The following THUMPD2 variants were observed in gnomAD, a reference collection of about 807,000 sequenced individuals.
The protein encoded by THUMPD2 is U6 snRNA (guanine-N(2))-methyltransferase THUMPD2.
In THUMPD2, 56 loss-of-function variants were observed where a neutral mutation model predicts 49.4. That is an observed-to-expected ratio of 1.13 (90% CI 0.91 to 1.41). The LOEUF (loss-of-function observed/expected upper bound fraction) is 1.41. Among genes scored for constraint, THUMPD2 ranks in the 40% most tolerant of loss-of-function variants. The pLI is 0.00. For synonymous variants in THUMPD2, 237 were observed against 205.2 expected (o/e 1.15, Z -1.32); for missense variants, 709 against 594.5 (o/e 1.19, Z -2.00).
rs1459785601 is a variant in THUMPD2 at position 39,755,297 on chromosome 2, A to G, written c.1076T>C (p.Ile359Thr). The G allele has an allele frequency of 1.4e-5, 22 of 1,534,132 alleles. No homozygotes were observed. The highest frequency in any genetic ancestry group is 1.7e-5 in the Non-Finnish European group (20 of 1,147,522). ...GTTTTGCATTTTTAGTATCTTACCT[A>G]TAACAGAGATTTTAAGTAATTCAAT... Reference protein sequence around the residue: ...DKIELLKISVIELPLPSESVD... With the variant: ...DKIELLKISVTELPLPSESVD... Residue 359 changes from isoleucine (I) to threonine (T), a missense_variant and splice_region_variant, in exon 8 of 10, where the codon ATA becomes ACA. Physicochemically the swap from Ile to Thr is moderately conservative, Grantham distance 89 (BLOSUM62 -1). Coordinates refer to ENST00000505747, the MANE Select transcript of THUMPD2 (RefSeq NM_025264.5).
chr2:39,757,433 GA>G, intron 6 of THUMPD2: 1 of 1,300,294 alleles, frequency 7.7e-7, no homozygotes, highest in Non-Finnish European at 1.0e-6. Flanking sequence ...AAATTTTAAA[GA>G]GAATATCACA....
chr2:39,764,149 C>A (rs1677200871), intron 5 of THUMPD2, among the ~76,000 whole-genome samples: 1 of 152,164 alleles, frequency 6.6e-6, no homozygotes, highest in Non-Finnish European at 1.5e-5. Flanking sequence ...GAGTTAGTTT[C>A]TCTTTCCTAA....
intron 1 of THUMPD2, among the ~76,000 whole-genome samples, chr2:39,773,995 G>A (rs1678734517): frequency 6.6e-6 from 1 of 152,222 alleles, no homozygotes; most frequent in African/African-American, 2.4e-5. Context: ...TACTGTCTGG[G>A]TGAACCATGT....
Position 39,761,429 on chromosome 2 carries a change from T to C in THUMPD2, c.804-11A>G, listed in dbSNP as rs1328954791. The C allele has an allele frequency of 3.7e-6, 6 of 1,610,894 alleles. No homozygotes were observed. The highest frequency in any genetic ancestry group is 5.1e-6 in the Non-Finnish European group (6 of 1,177,322). On this transcript the variant is annotated splice_polypyrimidine_tract_variant and intron_variant, in intron 5 of 9. Coordinates refer to ENST00000505747, the MANE Select transcript of THUMPD2 (RefSeq NM_025264.5). ...CTGGCTAGGGAAACCCTACAAAGGA[T>C]AGAATCTGATTATATATTATTACAC... is the stretch of plus-strand genomic sequence containing the variant.
chr2:39,774,805 T>C (rs1678854446), intron 1 of THUMPD2, among the ~76,000 whole-genome samples: 1 of 152,172 alleles, frequency 6.6e-6, no homozygotes, highest in Admixed American at 6.5e-5. Context: ...ACAATCTGTT[T>C]TTTTCTATCT....
chr2:39,771,557 T>C lies in THUMPD2; in HGVS notation c.210A>G (p.Leu70=). ...GAAACTGCTTTTTAATCAGCAAAAATAATCTTTCTGCAGATTTTAATTTCT... is the reference window on the plus strand; with the variant it reads ...GAAACTGCTTTTTAATCAGCAAAAACAATCTTTCTGCAGATTTTAATTTCT... ...MLKKLKSAER[L]FLLIKKQFPL... is the part of the protein sequence containing the mutation. The change falls in exon 2 of 10, where the codon TTA becomes TTG. Residue 70 remains leucine (L), a synonymous_variant. Coordinates refer to ENST00000505747, the MANE Select transcript of THUMPD2 (RefSeq NM_025264.5). 1 of 1,607,608 alleles carries C rather than the reference T, an allele frequency of 6.2e-7. No individual in the cohort carries two copies. The highest frequency in any genetic ancestry group is 8.5e-7 in the Non-Finnish European group (1 of 1,178,050).
intron 4 of THUMPD2, among the ~76,000 whole-genome samples, chr2:39,767,637 C>T (rs964504201): frequency 7.2e-6 from 1 of 139,758 alleles, no homozygotes; most frequent in South Asian, 2.3e-4. Context: ...TGGAAAGGGG[C>T]AGATAAGAGA....
rs957566985 is a variant in THUMPD2, at chr2:39,779,210, G to A, written c.30C>T (p.Ser10=). 2 of 1,506,562 alleles carry A rather than the reference G, an allele frequency of 1.3e-6. No individual in the cohort carries two copies. Among genetic ancestry groups the A allele is most frequent in the Admixed American group, 2.1e-5 (1 of 47,084 alleles). 93.3% of individuals were successfully genotyped at this position (1,506,562 alleles called of 1,614,324 possible). Residue 10 remains serine (S), a synonymous_variant, in exon 1 of 10, where the codon TCC becomes TCT. Transcript: ENST00000505747. MSEARGEPG[S]GPEAGARFFC... ...AGAATCGGGCGCCAGCCTCAGGCCC[G>A]GACCCTGGCTCTCCACGCGCCTCCG...
intron 4 of THUMPD2, among the ~76,000 whole-genome samples, chr2:39,766,997 T>A (rs1417399899): frequency 6.6e-6 from 1 of 152,214 alleles, no homozygotes; most frequent in Non-Finnish European, 1.5e-5. Context: ...GACATGTTCA[T>A]ATATCAAATG....
At chr2:39,762,267 C>T (rs1273566950) in intron 5 of THUMPD2, among the ~76,000 whole-genome samples, 1 of 152,128 alleles carries the variant, frequency 6.6e-6, no homozygotes, top group African/African-American at 2.4e-5. Flanking sequence ...AGGTCTTCTA[C>T]GAACATTACG....
intron 4 of THUMPD2, among the ~76,000 whole-genome samples, chr2:39,768,219 A>G (rs1216143053): frequency 6.6e-6 from 1 of 152,126 alleles, no homozygotes; most frequent in African/African-American, 2.4e-5. Flanking sequence ...CTTTTTTTGG[A>G]GTTTGCATAA....
chr2:39,771,700 T>TC, intron 1 of THUMPD2, 60 bp from the exon 2 acceptor site: 2 of 1,507,576 alleles, frequency 1.3e-6, no homozygotes, highest in South Asian at 1.2e-5. Flanking sequence ...CCATATTTTT[T>TC]CCCTCAAGAT....
chr2:39,761,924 G>C (rs1676876000), intron 5 of THUMPD2, among the ~76,000 whole-genome samples: 1 of 152,208 alleles, frequency 6.6e-6, no homozygotes, highest in South Asian at 2.1e-4. Context: ...GCATGACATT[G>C]CATTGTCTAA....
intron 6 of THUMPD2, among the ~76,000 whole-genome samples, chr2:39,756,261 T>C (rs1047097336): frequency 1.3e-5 from 2 of 152,134 alleles, no homozygotes; most frequent in Middle Eastern, 6.8e-3. Context: ...CTTATTGTAA[T>C]GACAATAAGG....
At chr2:39,766,181 T>C in intron 4 of THUMPD2, 72 bp from the exon 5 acceptor site, 2 of 1,170,500 alleles carry the variant, frequency 1.7e-6, no homozygotes, top group Non-Finnish European at 2.4e-6. Flanking sequence ...ATTTGAAATT[T>C]CCATTTTAAA....
At chr2:39,774,889 C>T (rs1331452980) in intron 1 of THUMPD2, among the ~76,000 whole-genome samples, 1 of 152,056 alleles carries the variant, frequency 6.6e-6, no homozygotes, top group Non-Finnish European at 1.5e-5. Context: ...AAGTAACAGC[C>T]TTGATTAATA....
intron 1 of THUMPD2, 22 bp downstream of exon 1, chr2:39,779,092 G>T: frequency 6.7e-7 from 1 of 1,496,940 alleles, no homozygotes; most frequent in Non-Finnish European, 8.8e-7. Flanking sequence ...ACCTCCCCAG[G>T]CGCGCAGCGA....
At chr2:39,749,529 C>G (rs779981900) in intron 8 of THUMPD2, among the ~76,000 whole-genome samples, 1 of 152,216 alleles carries the variant, frequency 6.6e-6, no homozygotes, top group Non-Finnish European at 1.5e-5. Context: ...ATTTTAAATG[C>G]ATTTTCTTCA....
chr2:39,746,047 T>C (rs1020957706), intron 8 of THUMPD2, among the ~76,000 whole-genome samples: 12 of 152,190 alleles, frequency 7.9e-5, no homozygotes, highest in Non-Finnish European at 1.5e-4. Flanking sequence ...GAGGTTAATA[T>C]ATGGAAGACA....
Sources: allele counts gnomAD v4.1 joint callset (sites outside exome capture counted in the v4.1 genomes callset), GRCh38; gene constraint gnomAD v4.1.1; transcripts MANE v1.5; gene names NCBI Gene and HGNC (gene_info 2026-07-23, HGNC 2026-07-21).